The following PTPRZ1 variants were observed in gnomAD, a reference collection of about 807,000 sequenced individuals.
The protein encoded by PTPRZ1 is protein tyrosine phosphatase receptor type Z1.
Under a neutral mutation model 214.1 loss-of-function variants are expected in PTPRZ1, and 82 were observed. That is an observed-to-expected ratio of 0.38 (90% CI 0.32 to 0.46). The LOEUF (loss-of-function observed/expected upper bound fraction) is 0.46. PTPRZ1 is among the 20% of genes least tolerant of loss of function. PTPRZ1 has a pLI of 1.00. For missense variants in PTPRZ1, 2,603 were observed against 2,748.7 expected, an observed-to-expected ratio of 0.95 and a Z score of 1.19; for synonymous variants, 945 against 987.9, an observed-to-expected ratio of 0.96 and a Z score of 0.81.
chr7:121,919,109 A>C (rs960836383), intron 1 of PTPRZ1, among the ~76,000 whole-genome samples: 1 of 151,954 alleles, frequency 6.6e-6, no homozygotes, highest in African/African-American at 2.4e-5. Flanking sequence ...ACCCTTGTCA[A>C]CTCACTTCCC....
intron 18 of PTPRZ1, among the ~76,000 whole-genome samples, chr7:122,037,068 C>T (rs1460972686): frequency 6.6e-6 from 1 of 151,256 alleles, no homozygotes; most frequent in Non-Finnish European, 1.5e-5. Context: ...GTCAGAAGAT[C>T]GAGACCATCC....
intron 1 of PTPRZ1, among the ~76,000 whole-genome samples, chr7:121,873,973 G>A (rs1793970045): frequency 6.6e-6 from 1 of 151,780 alleles, no homozygotes; most frequent in South Asian, 2.1e-4. Flanking sequence ...CTTTTTTGCT[G>A]TTCATTTTTA....
chr7:122,020,958 T>C (rs1180025294), intron 13 of PTPRZ1, among the ~76,000 whole-genome samples: 2 of 152,022 alleles, frequency 1.3e-5, no homozygotes, highest in Non-Finnish European at 2.9e-5. Flanking sequence ...GTTGACCAAA[T>C]TTTTTACCAC....
intron 12 of PTPRZ1, among the ~76,000 whole-genome samples, chr7:122,017,356 T>A (rs1798872265): frequency 6.6e-6 from 1 of 152,090 alleles, no homozygotes; most frequent in South Asian, 2.1e-4. Context: ...CTTGGGCTTT[T>A]CTCACAAGAA....
At chr7:122,044,391 C>G (rs41281698) in intron 22 of PTPRZ1, 31 bp from the exon 23 acceptor site, 31,968 of 1,611,946 alleles carry the variant, frequency 0.02, 369 homozygotes, top group African/African-American at 0.043. Flanking sequence ...AAAACTTGAA[C>G]TAATGTTGCT....
At chr7:121,971,450 G>A (rs1003898585) in intron 3 of PTPRZ1, among the ~76,000 whole-genome samples, 2 of 152,018 alleles carry the variant, frequency 1.3e-5, no homozygotes, top group Admixed American at 6.6e-5. Flanking sequence ...AGTGTTGAGG[G>A]TTTTGTTTTT....
At chr7:121,934,669 T>C (rs2116397271) in intron 2 of PTPRZ1, among the ~76,000 whole-genome samples, 1 of 152,292 alleles carries the variant, frequency 6.6e-6, no homozygotes, top group Middle Eastern at 3.4e-3. Flanking sequence ...TGTCTTAACT[T>C]GATCCCAAAC....
At chr7:121,953,754 G>A (rs1164500431) in intron 2 of PTPRZ1, among the ~76,000 whole-genome samples, 1 of 152,180 alleles carries the variant, frequency 6.6e-6, no homozygotes. Flanking sequence ...CCATTGAGGA[G>A]AGCTCAGTGT....
intron 1 of PTPRZ1, among the ~76,000 whole-genome samples, 186 bp downstream of exon 1, chr7:121,873,743 C>T (rs905999891): frequency 6.6e-6 from 1 of 151,980 alleles, no homozygotes; most frequent in Admixed American, 6.5e-5. Context: ...ATTTGCGCGC[C>T]CCCTCCCCGC....
chr7:122,046,391 G>A (rs1791982590), intron 23 of PTPRZ1, among the ~76,000 whole-genome samples: 1 of 152,124 alleles, frequency 6.6e-6, no homozygotes, highest in African/African-American at 2.4e-5. Flanking sequence ...CTGGGAGATA[G>A]AGTGAGACCT....
intron 1 of PTPRZ1, among the ~76,000 whole-genome samples, chr7:121,886,366 A>G (rs1794396864): frequency 1.3e-5 from 2 of 151,978 alleles, no homozygotes; most frequent in Admixed American, 1.3e-4. Context: ...AAAGTTTTTT[A>G]TATATCATAT....
intron 1 of PTPRZ1, among the ~76,000 whole-genome samples, chr7:121,923,824 T>G: frequency 6.6e-6 from 1 of 151,932 alleles, no homozygotes. Flanking sequence ...TTATAATACA[T>G]ATACTAAATA....
chr7:121,911,110 G>T (rs1795261199), intron 1 of PTPRZ1, among the ~76,000 whole-genome samples: 1 of 151,880 alleles, frequency 6.6e-6, no homozygotes, highest in Non-Finnish European at 1.5e-5. Flanking sequence ...GGATTTTTGT[G>T]CTTTGAACTA....
chr7:122,038,890 G>T lies in PTPRZ1; in HGVS notation c.5502+1G>T. ...AACAAACCTCGTGGAGAAAGGAAGG[G>T]TATGTAGATAATCTGTTATGTCACC... On this transcript the variant is annotated splice_donor_variant, in intron 19 of 29. Coordinates refer to ENST00000393386, the MANE Select transcript of PTPRZ1 (RefSeq NM_002851.3). LOFTEE classifies it high-confidence loss of function. The T allele has an allele frequency of 6.2e-7, 1 of 1,613,674 alleles. No homozygotes were observed. The highest frequency in any genetic ancestry group is 8.5e-7 in the Non-Finnish European group (1 of 1,179,744).
Position 121,990,259 on chromosome 7 carries a change from A to G in PTPRZ1, c.929-6123A>G, listed in dbSNP as rs537632245. 2.6e-5 allele frequency among the ~76,000 whole-genome samples: 4 copies of G among 152,322 alleles called. No individual in the cohort carries two copies. The South Asian group carries it at 6.2e-4, about 24-fold the overall frequency. ...TACATTATAAATAATCGCAAAAACC[A>G]TGTGAGATTTATATATTCATATAAA... On this transcript the variant is annotated intron_variant, in intron 8 of 29. Transcript: ENST00000393386.
intron 1 of PTPRZ1, among the ~76,000 whole-genome samples, chr7:121,892,008 T>C (rs1008438054): frequency 7.9e-5 from 12 of 152,158 alleles, no homozygotes; most frequent in African/African-American, 2.7e-4. Flanking sequence ...AGAATGTTCT[T>C]AAGTTTTTTT....
At chr7:121,973,035 A>G (rs1438274402) in intron 4 of PTPRZ1, among the ~76,000 whole-genome samples, 1 of 152,202 alleles carries the variant, frequency 6.6e-6, no homozygotes, top group African/African-American at 2.4e-5. Context: ...TAAAATTGGC[A>G]AAGTAAATAA....
intron 1 of PTPRZ1, among the ~76,000 whole-genome samples, chr7:121,919,491 A>G (rs1795527075): frequency 1.3e-5 from 2 of 152,102 alleles, no homozygotes; most frequent in South Asian, 4.1e-4. Flanking sequence ...TTTAAATGCT[A>G]TATAATCAAA....
chr7:121,907,485 C>G (rs908127812), intron 1 of PTPRZ1, among the ~76,000 whole-genome samples: 1 of 151,876 alleles, frequency 6.6e-6, no homozygotes, highest in South Asian at 2.1e-4. Context: ...TTATTATTTG[C>G]TGATAGTCCA....
Sources: gnomAD v4.1 joint callset for allele counts (sites outside exome capture counted in the v4.1 genomes callset) on GRCh38, gnomAD v4.1.1 for gene constraint, MANE v1.5 for transcripts, NCBI Gene and HGNC (gene_info 2026-07-23, HGNC 2026-07-21) for gene names.